RAB27A: variants seen among roughly 807,000 people sequenced by gnomAD.
RAB27A encodes RAB27A, member RAS oncogene family.
In RAB27A, 17 loss-of-function variants were observed where a neutral mutation model predicts 20.8. That is an observed-to-expected ratio of 0.82 (90% confidence interval 0.56 to 1.23). RAB27A has a LOEUF of 1.23. Among genes scored for constraint, RAB27A ranks in the 50% most tolerant of loss-of-function variants. The pLI is 0.00. For missense variants in RAB27A, 277 were observed against 266.7 expected, an observed-to-expected ratio of 1.04 and a Z score of -0.27; for synonymous variants, 85 against 92.8, an observed-to-expected ratio of 0.92 and a Z score of 0.48.
intron 2 of RAB27A, among the ~76,000 whole-genome samples, chr15:55,303,245 T>C (rs2054981873): frequency 1.2e-5 from 1 of 83,316 alleles, no homozygotes; most frequent in Non-Finnish European, 2.1e-5. Context: ...AGCCGCCCTG[T>C]CCGGGAGGGA....
intron 2 of RAB27A, among the ~76,000 whole-genome samples, chr15:55,310,926 G>T (rs749163469): frequency 4.6e-5 from 7 of 152,170 alleles, no homozygotes; most frequent in Non-Finnish European, 1.0e-4. Context: ...CTTTCCCTGT[G>T]TTACAGTGGA....
rs1894584095 is a variant in RAB27A, at chr15:55,205,227, T to C, written c.*280A>G. ...AATACACTCTTCTGTGACTGCAAAATTCTGAATCCTTGAATGATTTACTAT... is the reference window on the plus strand; with the variant it reads ...AATACACTCTTCTGTGACTGCAAAACTCTGAATCCTTGAATGATTTACTAT... On this transcript the variant is annotated 3_prime_UTR_variant, in exon 7 of 7. Coordinates refer to ENST00000336787, the MANE Select transcript of RAB27A (RefSeq NM_183235.3). The C allele has an allele frequency of 8.7e-6, 4 of 460,986 alleles. No individual in the cohort carries two copies. The Admixed American group carries it at 1.4e-4, about 16-fold the overall frequency. The allele number at this position is 460,986 out of a possible 1,614,324, so 28.6% of individuals were successfully genotyped here. A position where few individuals can be genotyped will look rare whatever the true frequency, so the allele number is the denominator to read the frequency against.
rs528714370 is a variant in RAB27A at position 55,296,087 on chromosome 15, G to A, written c.-112+17952C>T. On this transcript the variant is annotated intron_variant, in intron 2 of 5. Transcript: ENST00000563262. ...GTTTTTGTATTTTTAGTAGAGACGG[G>A]GTTCCACCATGTTGGCCAGGCTGGT... Among the ~76,000 whole-genome samples the A allele has an allele frequency of 1.6e-3, 237 of 151,362 alleles. 1 individual carries two copies. Among genetic ancestry groups the A allele is most frequent in the African/African-American group, 5.6e-3 (231 of 41,380 alleles).
In RAB27A at chr15:55,204,727, C is replaced by G. The variant is rs1894560088; in HGVS notation, c.*780G>C. On this transcript the variant is annotated 3_prime_UTR_variant, in exon 7 of 7. Transcript: ENST00000336787. The stretch of plus-strand genomic sequence containing the variant: ...CATAGGCCAAGTATAAATGTACAAT[C>G]ACAGTGAACTAAAGCCATAAAATCT... 6.6e-6 allele frequency: 1 copy of G among 152,262 alleles called. No individual in the cohort carries two copies. Among genetic ancestry groups the G allele is most frequent in the African/African-American group, 2.4e-5 (1 of 41,448 alleles). 9.4% of individuals were successfully genotyped at this position (152,262 alleles called of 1,614,324 possible). A position where few individuals can be genotyped will look rare whatever the true frequency, so the allele number is the denominator to read the frequency against.
chr15:55,308,796 C>T (rs562816446), intron 2 of RAB27A, among the ~76,000 whole-genome samples: 2 of 152,162 alleles, frequency 1.3e-5, no homozygotes, highest in African/African-American at 4.8e-5. Flanking sequence ...GTCAGTATGC[C>T]GTTCACATCA....
intron 2 of RAB27A, among the ~76,000 whole-genome samples, chr15:55,312,202 C>T (rs944642156): frequency 7.9e-5 from 12 of 152,136 alleles, no homozygotes; most frequent in African/African-American, 1.2e-4. Flanking sequence ...CTGCTGGATC[C>T]GGAGGGATGG....
At position 55,209,796 on chromosome 15, in the gene RAB27A, G is replaced by GTATACATATATACACACATGTGTGTATA. The variant is rs577736958; in HGVS notation, c.468-4119_468-4092dup. On this transcript the variant is annotated intron_variant, in intron 6 of 6. Coordinates refer to ENST00000336787, the MANE Select transcript of RAB27A (RefSeq NM_183235.3). ...CATATATACACACATATGTGTGTAT[G>GTATACATATATACACACATGTGTGTATA]TATACATATATACACACATGTGTGT... Among the ~76,000 whole-genome samples, 19 of 125,344 alleles carry GTATACATATATACACACATGTGTGTATA rather than the reference G, an allele frequency of 1.5e-4. 3 individuals carry two copies. The highest frequency in any genetic ancestry group is 2.8e-4 in the Non-Finnish European group (17 of 61,818). 82.2% of individuals were successfully genotyped at this position (125,344 alleles called of 152,430 possible). A position where few individuals can be genotyped will look rare whatever the true frequency, so the allele number is the denominator to read the frequency against.
In RAB27A at chr15:55,225,877, G is replaced by T. The variant is rs569101011; in HGVS notation, c.344-1865C>A. 3.7e-5 allele frequency among the ~76,000 whole-genome samples: 5 copies of T among 134,354 alleles called. No individual in the cohort carries two copies. The South Asian group carries it at 1.4e-3, about 37-fold the overall frequency. The allele number at this position is 134,354 out of a possible 152,430, so 88.1% of individuals were successfully genotyped here. A position where few individuals can be genotyped will look rare whatever the true frequency, so the allele number is the denominator to read the frequency against. Reference sequence around the variant, plus strand: ...CTATACACAGTATAAAATGTAACAGGGGTTAAAAGGAGGGAAAACATCTAA... The same window carrying T: ...CTATACACAGTATAAAATGTAACAGTGGTTAAAAGGAGGGAAAACATCTAA... On this transcript the variant is annotated intron_variant, in intron 5 of 6. Coordinates refer to ENST00000336787, the MANE Select transcript of RAB27A (RefSeq NM_183235.3).
intron 6 of RAB27A, among the ~76,000 whole-genome samples, chr15:55,210,060 ATG>A (rs577226735): frequency 1.0e-3 from 142 of 137,510 alleles, no homozygotes; most frequent in East Asian, 5.8e-3. Flanking sequence ...ATATACACAT[ATG>A]TGTGTGTACA....
chr15:55,219,299 A>C (rs1595682324), intron 6 of RAB27A, among the ~76,000 whole-genome samples: 1 of 152,188 alleles, frequency 6.6e-6, no homozygotes, highest in Non-Finnish European at 1.5e-5. Context: ...TCTCTTTAGC[A>C]TGGATTTTCC....
chr15:55,258,699 T>A lies in RAB27A; in HGVS notation c.-23+11466A>T, dbSNP rs183739235. On this transcript the variant is annotated intron_variant, in intron 2 of 6. Coordinates refer to ENST00000336787, the MANE Select transcript of RAB27A (RefSeq NM_183235.3). ...CTTGTTGTCAGACTTCTCAAAATGG[T>A]AACACATTGTGATCTAAATTCACAT... is the stretch of plus-strand genomic sequence containing the variant. Among the ~76,000 whole-genome samples, 11 of 152,366 alleles carry A rather than the reference T, an allele frequency of 7.2e-5. No individual in the cohort carries two copies. In the East Asian group the frequency reaches 2.1e-3, roughly 29 times the overall value.
rs935116975 is a variant in RAB27A at position 55,289,575 on chromosome 15, C to A, written c.-143+141G>T. 5 of 148,218 alleles carry A rather than the reference C, an allele frequency of 3.4e-5. No individual in the cohort carries two copies. The East Asian group carries it at 8.3e-4, about 24-fold the overall frequency. The allele number at this position is 148,218 out of a possible 1,614,324, so 9.2% of individuals were successfully genotyped here. A position where few individuals can be genotyped will look rare whatever the true frequency, so the allele number is the denominator to read the frequency against. On this transcript the variant is annotated intron_variant, in intron 1 of 6. Transcript: ENST00000336787. ...CCTGGGAGAGAAGCCACTCTTCAGG[C>A]GGGCTCGGGCGCCTGGAGGCGGGGA...
intron 1 of RAB27A, 152 bp from the exon 2 acceptor site, chr15:55,270,436 T>C (rs1897670535): frequency 6.6e-6 from 1 of 152,138 alleles, no homozygotes; most frequent in Admixed American, 6.5e-5. Context: ...CTCAGCTGTT[T>C]GTCATATGGC....
intron 6 of RAB27A, among the ~76,000 whole-genome samples, chr15:55,210,159 A>G (rs575973584): frequency 2.5e-4 from 35 of 140,108 alleles, no homozygotes; most frequent in African/African-American, 1.0e-3. Flanking sequence ...ATGTATACAT[A>G]CACATACATA....
At chr15:55,302,798 C>T (rs1226676809) in intron 2 of RAB27A, among the ~76,000 whole-genome samples, 1 of 140,274 alleles carries the variant, frequency 7.1e-6, no homozygotes, top group Non-Finnish European at 1.5e-5. Context: ...CATCTCTGCC[C>T]GGCCGCCCCG....
chr15:55,296,635 C>T lies in RAB27A; in HGVS notation c.-112+17404G>A, dbSNP rs375550892. On this transcript the variant is annotated intron_variant, in intron 2 of 5. Coordinates refer to the RAB27A transcript ENST00000563262. ...GATCCATCCTGAGGGAGGACTATTC[C>T]TCAGTTAAAGACTTATTTATTTTTA... 4.6e-5 allele frequency among the ~76,000 whole-genome samples: 7 copies of T among 152,246 alleles called. No homozygotes were observed. The East Asian group carries it at 9.7e-4, about 21-fold the overall frequency.
At chr15:55,303,826 G>A (rs1475583367) in intron 2 of RAB27A, among the ~76,000 whole-genome samples, 6 of 135,244 alleles carry the variant, frequency 4.4e-5, no homozygotes, top group African/African-American at 1.2e-4. Context: ...CGCCCCGTCC[G>A]GGAGGGAGGT....
At chr15:55,265,985 G>T (rs770303660) in intron 2 of RAB27A, among the ~76,000 whole-genome samples, 2 of 152,210 alleles carry the variant, frequency 1.3e-5, no homozygotes, top group Non-Finnish European at 2.9e-5. Context: ...GCCTTAGAAA[G>T]ATCTCTATGG....
At chr15:55,228,277 T>TA (rs1278759496) in intron 5 of RAB27A, among the ~76,000 whole-genome samples, 1 of 152,178 alleles carries the variant, frequency 6.6e-6, no homozygotes. Flanking sequence ...AGCAGATACT[T>TA]AGAGATTTAA....
Sources: gnomAD v4.1 joint callset for allele counts (sites outside exome capture counted in the v4.1 genomes callset) on GRCh38, gnomAD v4.1.1 for gene constraint, MANE v1.5 for transcripts, NCBI Gene and HGNC (gene_info 2026-07-23, HGNC 2026-07-21) for gene names.